The following MTUS2 variants were observed in gnomAD, a reference collection of about 807,000 sequenced individuals.
MTUS2 encodes microtubule-associated tumor suppressor candidate 2.
MTUS2 carries 40 observed loss-of-function variants against 114.1 expected under a neutral mutation model. The observed-to-expected ratio is 0.35, with a 90% CI of 0.27 to 0.46. The LOEUF is 0.46. Ranked by LOEUF, MTUS2 falls within the 20% of genes least tolerant of loss-of-function variation. The probability of loss-of-function intolerance (pLI) is 1.00; values close to 1 mark genes in which losing one functional copy is unlikely to be tolerated. For synonymous variants in MTUS2, 688 were observed against 672.0 expected (o/e 1.02, Z -0.37); for missense variants, 1,679 against 1,705.4 (o/e 0.98, Z 0.27).
At chr13:28,863,639 G>A (rs928722748) in intron 2 of MTUS2, among the ~76,000 whole-genome samples, 8 of 152,072 alleles carry the variant, frequency 5.3e-5, no homozygotes, top group East Asian at 3.9e-4. Context: ...AAGTGCTTCC[G>A]CATTCTTCTG....
intron 9 of MTUS2, among the ~76,000 whole-genome samples, chr13:29,451,520 G>A (rs773592221): frequency 6.6e-5 from 10 of 152,112 alleles, no homozygotes; most frequent in Non-Finnish European, 1.3e-4. Flanking sequence ...CCTAGGTAAG[G>A]TGATGGTGAG....
Position 29,024,825 on chromosome 13 carries a change from G to GACA in MTUS2, c.128_129insCAA (p.Glu43delinsAspLys). 6.2e-7 allele frequency: 1 copy of GACA among 1,614,028 alleles called. No individual in the cohort carries two copies. On this transcript the variant is annotated protein_altering_variant, in exon 3 of 16. Coordinates refer to ENST00000612955, the MANE Select transcript of MTUS2 (RefSeq NM_001033602.4). ...TACGAATGCCAATCAAATCATGTTG[G>GACA]AGGTCAGCTCCTCTCATGACGAGTC...
At chr13:28,945,761 C>T (rs1036620163) in intron 2 of MTUS2, among the ~76,000 whole-genome samples, 1 of 152,086 alleles carries the variant, frequency 6.6e-6, no homozygotes, top group African/African-American at 2.4e-5. Context: ...TTTACTTACT[C>T]CATAGGTTGT....
At chr13:29,013,162 G>A (rs1410741762) in intron 2 of MTUS2, among the ~76,000 whole-genome samples, 22 of 152,148 alleles carry the variant, frequency 1.4e-4, no homozygotes, top group Admixed American at 5.2e-4. Flanking sequence ...TTTTCTCTTC[G>A]TTTGGAGTCC....
At chr13:29,015,846 CAAAA>C (rs566663390) in intron 2 of MTUS2, among the ~76,000 whole-genome samples, 2 of 151,272 alleles carry the variant, frequency 1.3e-5, no homozygotes, top group East Asian at 1.9e-4. Context: ...TGTATAAAAA[CAAAA>C]AAACAAAAAT....
intron 2 of MTUS2, 131 bp downstream of exon 2, chr13:28,839,981 G>A (rs1875360021): frequency 6.7e-6 from 1 of 148,726 alleles, no homozygotes; most frequent in South Asian, 2.1e-4. Flanking sequence ...TTTTTAAAGT[G>A]ATATTATTAA....
intron 2 of MTUS2, among the ~76,000 whole-genome samples, chr13:28,961,618 C>A (rs1883332101): frequency 6.6e-6 from 1 of 152,138 alleles, no homozygotes; most frequent in Non-Finnish European, 1.5e-5. Context: ...ATTAACATAG[C>A]TAAAATGCAA....
intron 1 of MTUS2, among the ~76,000 whole-genome samples, chr13:28,834,900 A>G (rs1309047667): frequency 6.6e-6 from 1 of 152,212 alleles, no homozygotes; most frequent in African/African-American, 2.4e-5. Context: ...TTTCCAAAGA[A>G]GATATACGAG....
chr13:29,307,345 G>T, intron 6 of MTUS2: 1 of 716,614 alleles, frequency 1.4e-6, no homozygotes. Context: ...GACTGTGGAT[G>T]GACCATCCAG....
chr13:28,830,148 A>G (rs1344606181), intron 1 of MTUS2, among the ~76,000 whole-genome samples: 1 of 152,226 alleles, frequency 6.6e-6, no homozygotes, highest in Non-Finnish European at 1.5e-5. Flanking sequence ...ATAGCAATAG[A>G]AACAATAGTA....
intron 8 of MTUS2, among the ~76,000 whole-genome samples, chr13:29,375,275 T>TC (rs202052499): frequency 0.028 from 219 of 7,746 alleles, 8 homozygotes; most frequent in South Asian, 0.062. Context: ...AACAGACAAT[T>TC]TAAAAAGGAG....
At position 29,421,800 on chromosome 13, in the gene MTUS2, G is replaced by A. The variant is rs544377339; in HGVS notation, c.3118-18183G>A. On this transcript the variant is annotated intron_variant, in intron 8 of 15. Transcript: ENST00000612955. ...AGGGTTGGGCAGAGCCCTGGAGGAG[G>A]TGAGGTGGTGCTAAGGAGTACTGGG... 2.6e-5 allele frequency among the ~76,000 whole-genome samples: 4 copies of A among 152,336 alleles called. No individual in the cohort carries two copies. The South Asian group carries it at 8.3e-4, about 32-fold the overall frequency.
chr13:28,929,387 A>G (rs1447121289), intron 2 of MTUS2, among the ~76,000 whole-genome samples: 1 of 152,186 alleles, frequency 6.6e-6, no homozygotes, highest in Non-Finnish European at 1.5e-5. Flanking sequence ...CACTGATTTG[A>G]TCTTTACAAA....
chr13:28,893,773 A>G (rs1226934767), intron 2 of MTUS2, among the ~76,000 whole-genome samples: 8 of 152,194 alleles, frequency 5.3e-5, no homozygotes, highest in Non-Finnish European at 2.9e-5. Flanking sequence ...GGTTAAACAG[A>G]CATTCCATAT....
At chr13:29,205,598 T>A (rs1046768030) in intron 5 of MTUS2, among the ~76,000 whole-genome samples, 3 of 152,218 alleles carry the variant, frequency 2.0e-5, no homozygotes, top group African/African-American at 7.2e-5. Flanking sequence ...GTGCATTGTA[T>A]CATTCTTATG....
intron 2 of MTUS2, among the ~76,000 whole-genome samples, chr13:29,019,516 G>T (rs1264875657): frequency 6.6e-6 from 1 of 152,200 alleles, no homozygotes; most frequent in Non-Finnish European, 1.5e-5. Context: ...ATAGAACGAT[G>T]CATTGAGACC....
At chr13:29,379,649 G>A (rs12429368) in intron 8 of MTUS2, among the ~76,000 whole-genome samples, 3,079 of 152,234 alleles carry the variant, frequency 0.02, 99 homozygotes, top group African/African-American at 0.053. Flanking sequence ...TGTTCTTACC[G>A]TCATCATACA....
chr13:28,912,670 G>T (rs1335129656), intron 2 of MTUS2, among the ~76,000 whole-genome samples: 2 of 151,940 alleles, frequency 1.3e-5, no homozygotes, highest in Non-Finnish European at 1.5e-5. Flanking sequence ...CCATTTGTTT[G>T]TGTCCTCTCT....
chr13:29,487,061 G>A (rs1881667397), intron 10 of MTUS2, among the ~76,000 whole-genome samples: 1 of 152,190 alleles, frequency 6.6e-6, no homozygotes, highest in African/African-American at 2.4e-5. Flanking sequence ...TGCACTACTT[G>A]CGATTAAACT....
Sources: gnomAD v4.1 joint callset for allele counts (sites outside exome capture counted in the v4.1 genomes callset) on GRCh38, gnomAD v4.1.1 for gene constraint, MANE v1.5 for transcripts, NCBI Gene and HGNC (gene_info 2026-07-23, HGNC 2026-07-21) for gene names.